The following ARGLU1 variants were observed in gnomAD, a reference collection of about 807,000 sequenced individuals.
ARGLU1 encodes the protein arginine and glutamate-rich protein 1.
A neutral mutation model predicts 37.6 loss-of-function variants in ARGLU1; 9 were observed. The observed-to-expected ratio is 0.24, with a 90% confidence interval of 0.14 to 0.42. ARGLU1 has a LOEUF of 0.42. Ranked by LOEUF, ARGLU1 falls within the 10% of genes least tolerant of loss-of-function variation. The pLI is 1.00. For synonymous variants in ARGLU1, 166 were observed against 138.5 expected (o/e 1.20, Z -1.39); for missense variants, 211 against 359.2 (o/e 0.59, Z 3.34).
intron 3 of ARGLU1, among the ~76,000 whole-genome samples, chr13:106,547,862 A>T (rs1352087934): frequency 6.6e-6 from 1 of 152,224 alleles, no homozygotes; most frequent in Non-Finnish European, 1.5e-5. Flanking sequence ...TAATTAAAAA[A>T]ACAAGATTTT....
chr13:106,558,811 G>T, intron 2 of ARGLU1: 1 of 985,284 alleles, frequency 1.0e-6, no homozygotes, highest in Non-Finnish European at 1.2e-6. Context: ...GAATAATCTG[G>T]ATATTTTTCC....
chr13:106,567,849 C>A lies in ARGLU1; in HGVS notation c.71G>T (p.Arg24Leu). The A allele has an allele frequency of 2.5e-6, 4 of 1,613,422 alleles. No individual in the cohort carries two copies. Among genetic ancestry groups the A allele is most frequent in the Non-Finnish European group, 2.5e-6 (3 of 1,179,882 alleles). The change falls in exon 1 of 4, where the codon CGC becomes CTC. Residue 24 changes from arginine (R) to leucine (L), a missense_variant. Transcript: ENST00000400198. This position sits in a 1 kb window ranked among gnomAD's most constrained non-coding sequence, Gnocchi z 4.3. ...HTKSSKHNKK[R>L]SRSRSRSRDK... The stretch of plus-strand genomic sequence containing the variant: ...CCGGGATCGCGACCGGGACCGGCTG[C>A]GCTTCTTGTTGTGCTTGCTGCTCTT...
intron 3 of ARGLU1, among the ~76,000 whole-genome samples, chr13:106,545,767 T>C (rs1485575149): frequency 6.6e-6 from 1 of 152,174 alleles, no homozygotes; most frequent in Non-Finnish European, 1.5e-5. Flanking sequence ...TCAACCGCAG[T>C]CAAGTAAGGT....
Position 106,556,587 on chromosome 13 carries a change from CTG to C in ARGLU1, c.657+459_657+460del, listed in dbSNP as rs561375428. Reference sequence around the variant, plus strand: ...CTATATTATATAATTACCGAAGACTCTGTATTTCTTAAGATTATAAACTAGGA... The same window carrying C: ...CTATATTATATAATTACCGAAGACTCTATTTCTTAAGATTATAAACTAGGA... On this transcript the variant is annotated intron_variant, in intron 3 of 3. Transcript: ENST00000400198. Among the ~76,000 whole-genome samples the C allele has an allele frequency of 1.6e-4, 25 of 152,252 alleles. No individual in the cohort carries two copies. In the South Asian group the frequency reaches 5.0e-3, roughly 30 times the overall value.
chr13:106,566,497 C>G (rs1177473011), intron 1 of ARGLU1, among the ~76,000 whole-genome samples: 4 of 152,186 alleles, frequency 2.6e-5, no homozygotes, highest in Non-Finnish European at 5.9e-5. Flanking sequence ...ACGGCTGGTT[C>G]AATAGGGAGT....
In ARGLU1 at chr13:106,542,840, AT is replaced by A. The variant is rs905171084; in HGVS notation, c.*1155del. ...TTTCACATGCAAAAAAAAAAAAAAA[AT>A]TCATAAAGTTCAAATGTGTTTGTCC... On this transcript the variant is annotated 3_prime_UTR_variant, in exon 4 of 4. Transcript: ENST00000400198. 1 of 151,848 alleles carries A rather than the reference AT, an allele frequency of 6.6e-6. No homozygotes were observed. Among genetic ancestry groups the A allele is most frequent in the East Asian group, 1.9e-4 (1 of 5,182 alleles). The allele number at this position is 151,848 out of a possible 1,614,324, so 9.4% of individuals were successfully genotyped here.
chr13:106,555,740 C>A (rs1261619525), intron 3 of ARGLU1, among the ~76,000 whole-genome samples: 1 of 152,062 alleles, frequency 6.6e-6, no homozygotes, highest in Non-Finnish European at 1.5e-5. Flanking sequence ...TGTAAGAATG[C>A]AAGGAGGCCA....
intron 3 of ARGLU1, 23 bp from the exon 4 acceptor site, chr13:106,544,183 A>T: frequency 6.6e-7 from 1 of 1,518,800 alleles, no homozygotes; most frequent in Non-Finnish European, 8.8e-7. Context: ...AGTAAAAATT[A>T]ATTATAGAAA....
chr13:106,558,870 A>G, intron 2 of ARGLU1: 10 of 985,450 alleles, frequency 1.0e-5, no homozygotes, highest in Non-Finnish European at 1.1e-5. Context: ...CCTTATGATC[A>G]GAATGCTAGA....
At chr13:106,552,086 A>C (rs1880545626) in intron 3 of ARGLU1, among the ~76,000 whole-genome samples, 1 of 152,206 alleles carries the variant, frequency 6.6e-6, no homozygotes, top group Admixed American at 6.5e-5. Flanking sequence ...CATTTAAAAG[A>C]AAGCCATCTC....
Position 106,543,946 on chromosome 13 carries a change from CCATA to C in ARGLU1, c.*46_*49del. On this transcript the variant is annotated 3_prime_UTR_variant, in exon 4 of 4. Transcript: ENST00000400198. Reference sequence around the variant, plus strand: ...AAAAAACCACTTCAACATGAAGCTACCATACAAAGTTTTTCCATTTTTCTTTGTA... The same window carrying C: ...AAAAAACCACTTCAACATGAAGCTACCAAAGTTTTTCCATTTTTCTTTGTA... 2 of 1,502,140 alleles carry C rather than the reference CCATA, an allele frequency of 1.3e-6. No individual in the cohort carries two copies. Among genetic ancestry groups the C allele is most frequent in the Non-Finnish European group, 1.8e-6 (2 of 1,124,530 alleles). The allele number at this position is 1,502,140 out of a possible 1,614,324, so 93.1% of individuals were successfully genotyped here. A position where few individuals can be genotyped will look rare whatever the true frequency, so the allele number is the denominator to read the frequency against.
Position 106,557,310 on chromosome 13 carries a change from TA to T in ARGLU1, c.574-180del. The T allele has an allele frequency of 1.5e-6, 1 of 679,130 alleles. No individual in the cohort carries two copies. Among genetic ancestry groups the T allele is most frequent in the Non-Finnish European group, 2.4e-6 (1 of 420,958 alleles). 42.1% of individuals were successfully genotyped at this position (679,130 alleles called of 1,614,324 possible). A position where few individuals can be genotyped will look rare whatever the true frequency, so the allele number is the denominator to read the frequency against. ...TAAAATTGGTTTCTAGCACTAAATT[TA>T]AATCATCCCTCCCAGTCCAAACAGC... On this transcript the variant is annotated intron_variant, in intron 2 of 3. Transcript: ENST00000400198. This position sits in a 1 kb window ranked among gnomAD's most constrained non-coding sequence, Gnocchi z 5.0.
At chr13:106,560,124 T>C (rs1234465766) in intron 1 of ARGLU1, among the ~76,000 whole-genome samples, 1 of 152,210 alleles carries the variant, frequency 6.6e-6, no homozygotes, top group Non-Finnish European at 1.5e-5. Flanking sequence ...AGAGAATAAA[T>C]ACAGATTGAA....
chr13:106,558,978 C>G, intron 2 of ARGLU1: 1 of 985,388 alleles, frequency 1.0e-6, no homozygotes. Context: ...AAAGCAGGTG[C>G]TATCACTCAA....
chr13:106,552,938 A>G (rs529885586), intron 3 of ARGLU1, among the ~76,000 whole-genome samples: 3 of 152,336 alleles, frequency 2.0e-5, no homozygotes, highest in African/African-American at 7.2e-5. Context: ...GTAACTACCC[A>G]TGGATTAGAG....
Position 106,543,841 on chromosome 13 carries a change from A to C in ARGLU1, c.*155T>G. ...TAGTGGAAGGAAAAAAAAAAAAAAA[A>C]AGGGAATTGCAGAGCATAGCCCCTA... On this transcript the variant is annotated 3_prime_UTR_variant, in exon 4 of 4. Transcript: ENST00000400198. The C allele has an allele frequency of 1.7e-6, 1 of 593,454 alleles. No homozygotes were observed. 36.8% of individuals were successfully genotyped at this position (593,454 alleles called of 1,614,324 possible).
chr13:106,560,471 T>G (rs1046675627), intron 1 of ARGLU1, among the ~76,000 whole-genome samples: 2 of 152,204 alleles, frequency 1.3e-5, no homozygotes, highest in African/African-American at 4.8e-5. Flanking sequence ...CCAATGATAT[T>G]CAGTGACAGC....
intron 3 of ARGLU1, among the ~76,000 whole-genome samples, chr13:106,546,326 T>C (rs575244809): frequency 1.3e-4 from 20 of 152,344 alleles, no homozygotes; most frequent in African/African-American, 4.1e-4. Flanking sequence ...TCCTAAAGTA[T>C]AATGTTTCTC....
At chr13:106,559,909 G>A (rs1880750532) in intron 1 of ARGLU1, among the ~76,000 whole-genome samples, 1 of 152,086 alleles carries the variant, frequency 6.6e-6, no homozygotes, top group South Asian at 2.1e-4. Flanking sequence ...TATACAAAGA[G>A]CCTAATTCAT....
Sources: allele counts gnomAD v4.1 joint callset (sites outside exome capture counted in the v4.1 genomes callset), GRCh38; gene constraint gnomAD v4.1.1; non-coding constraint Gnocchi (gnomAD v3.1); transcripts MANE v1.5; gene names NCBI Gene and HGNC (gene_info 2026-07-23, HGNC 2026-07-21).